The following ATP8A1 variants were observed in gnomAD, a reference collection of about 807,000 sequenced individuals.
ATP8A1 encodes phospholipid-transporting ATPase IA.
ATP8A1 carries 90 observed loss-of-function variants against 177.7 expected under a neutral mutation model. The observed-to-expected ratio is 0.51, with a 90% CI of 0.43 to 0.60. The LOEUF (loss-of-function observed/expected upper bound fraction) is 0.60. ATP8A1 is among the 20% of genes least tolerant of loss of function. The pLI, the probability that ATP8A1 is intolerant of heterozygous loss-of-function variation, is 0.00. For synonymous variants in ATP8A1, 493 were observed against 485.9 expected, an observed-to-expected ratio of 1.01 and a Z score of -0.19; for missense variants, 1,072 against 1,392.8, an observed-to-expected ratio of 0.77 and a Z score of 3.67.
At chr4:42,470,197 C>T (rs1419381520) in intron 25 of ATP8A1, among the ~76,000 whole-genome samples, 6 of 152,208 alleles carry the variant, frequency 3.9e-5, no homozygotes, top group Admixed American at 2.0e-4. Context: ...GAGGGTGGTC[C>T]TTTCTGATAC....
At chr4:42,582,071 T>C (rs1343787858) in intron 9 of ATP8A1, among the ~76,000 whole-genome samples, 1 of 152,134 alleles carries the variant, frequency 6.6e-6, no homozygotes, top group Non-Finnish European at 1.5e-5. Flanking sequence ...GAAGAGGTCA[T>C]GAGGGTTGGG....
At chr4:42,635,279 T>C (rs1739156901) in intron 1 of ATP8A1, among the ~76,000 whole-genome samples, 1 of 152,116 alleles carries the variant, frequency 6.6e-6, no homozygotes, top group African/African-American at 2.4e-5. Context: ...AATACGGTTA[T>C]AGAACCACTA....
At chr4:42,529,832 A>G (rs1445564253) in intron 20 of ATP8A1, among the ~76,000 whole-genome samples, 1 of 152,232 alleles carries the variant, frequency 6.6e-6, no homozygotes, top group East Asian at 1.9e-4. Context: ...CTGGTTGTGC[A>G]CTTTGCATGG....
intron 24 of ATP8A1, among the ~76,000 whole-genome samples, chr4:42,494,162 CAAAAAAAAAAA>C (rs397993131): frequency 3.7e-5 from 2 of 53,458 alleles, no homozygotes; most frequent in East Asian, 8.4e-4. Flanking sequence ...GATCATGCCA[CAAAAAAAAAAA>C]AAAAAAAAAA....
chr4:42,414,606 A>G (rs779119220), intron 36 of ATP8A1, 21 bp downstream of exon 36: 1 of 1,595,388 alleles, frequency 6.3e-7, no homozygotes, highest in Admixed American at 1.7e-5. Flanking sequence ...TTATTTAAAA[A>G]TAAGAAACTC....
At chr4:42,619,282 T>C (rs755705714) in intron 4 of ATP8A1, among the ~76,000 whole-genome samples, 9 of 152,218 alleles carry the variant, frequency 5.9e-5, no homozygotes, top group Admixed American at 1.3e-4. Context: ...TTTGAATAAC[T>C]GTTTTATAAC....
chr4:42,505,933 T>C (rs969104864), intron 23 of ATP8A1, among the ~76,000 whole-genome samples: 1 of 152,194 alleles, frequency 6.6e-6, no homozygotes, highest in Non-Finnish European at 1.5e-5. Context: ...AAACTTTTTT[T>C]TTCTTTTTTG....
At chr4:42,645,575 A>G (rs1206038122) in intron 1 of ATP8A1, among the ~76,000 whole-genome samples, 2 of 152,180 alleles carry the variant, frequency 1.3e-5, no homozygotes, top group Non-Finnish European at 2.9e-5. Context: ...GGGAATCTGT[A>G]TTGTTTAGAA....
rs76870140 is a variant in ATP8A1 at position 42,509,925 on chromosome 4, C to T, written c.1948-2771G>A. On this transcript the variant is annotated intron_variant, in intron 22 of 36. Coordinates refer to ENST00000381668, the MANE Select transcript of ATP8A1 (RefSeq NM_006095.2). Reference sequence around the variant, plus strand: ...TATTTCTTAAAATAAAATTTCCCCTCTGCTGTTCTCCTACAGAATTTTGCT... The same window carrying T: ...TATTTCTTAAAATAAAATTTCCCCTTTGCTGTTCTCCTACAGAATTTTGCT... 7.5e-3 allele frequency among the ~76,000 whole-genome samples: 1,133 copies of T among 151,048 alleles called. 13 individuals are homozygous for T. The highest frequency in any genetic ancestry group is 0.026 in the African/African-American group (1,087 of 41,268).
At chr4:42,584,864 C>T (rs1733462365) in intron 9 of ATP8A1, among the ~76,000 whole-genome samples, 1 of 152,166 alleles carries the variant, frequency 6.6e-6, no homozygotes, top group Admixed American at 6.5e-5. Context: ...AACTGCTGAC[C>T]TTTCTTCCTC....
At chr4:42,647,719 T>G (rs1458006676) in intron 1 of ATP8A1, among the ~76,000 whole-genome samples, 2 of 152,094 alleles carry the variant, frequency 1.3e-5, no homozygotes, top group African/African-American at 2.4e-5. Context: ...GTAAGTAGAT[T>G]CCATGGAACC....
At chr4:42,551,678 T>G (rs1445058473) in intron 17 of ATP8A1, among the ~76,000 whole-genome samples, 1 of 152,200 alleles carries the variant, frequency 6.6e-6, no homozygotes, top group Non-Finnish European at 1.5e-5. Flanking sequence ...CTAATATTGC[T>G]AATTGAGGAT....
chr4:42,655,082 C>G (rs1358796974), intron 1 of ATP8A1, among the ~76,000 whole-genome samples: 1 of 152,228 alleles, frequency 6.6e-6, no homozygotes, highest in Admixed American at 6.5e-5. Flanking sequence ...ACCACTATGG[C>G]CCTGACACTG....
rs1185300326 is a variant in ATP8A1 at position 42,555,133 on chromosome 4, C to CT, written c.1413+834dup. Among the ~76,000 whole-genome samples, 558 of 73,758 alleles carry CT rather than the reference C, an allele frequency of 7.6e-3. 8 individuals carry two copies. Among genetic ancestry groups the CT allele is most frequent in the African/African-American group, 0.01 (178 of 17,206 alleles). The allele number at this position is 73,758 out of a possible 152,430, so 48.4% of individuals were successfully genotyped here. A position where few individuals can be genotyped will look rare whatever the true frequency, so the allele number is the denominator to read the frequency against. Reference sequence around the variant, plus strand: ...TCTATCTATCTATCTATCTATCTATCTATCTAATCTATCTATCTATCTATC... The same window carrying CT: ...TCTATCTATCTATCTATCTATCTATCTTATCTAATCTATCTATCTATCTATC... On this transcript the variant is annotated intron_variant, in intron 16 of 36. Transcript: ENST00000381668.
intron 1 of ATP8A1, among the ~76,000 whole-genome samples, chr4:42,647,453 A>G (rs1740649085): frequency 6.6e-6 from 1 of 152,118 alleles, no homozygotes; most frequent in Non-Finnish European, 1.5e-5. Context: ...AGCACAAAAA[A>G]TGTAAACTAC....
chr4:42,450,907 T>C (rs1717864013), intron 30 of ATP8A1, among the ~76,000 whole-genome samples: 1 of 152,136 alleles, frequency 6.6e-6, no homozygotes, highest in South Asian at 2.1e-4. Flanking sequence ...CATGAAGACA[T>C]ACAGGCTGAC....
chr4:42,628,877 A>AT (rs1738407594), intron 1 of ATP8A1, among the ~76,000 whole-genome samples: 1 of 152,100 alleles, frequency 6.6e-6, no homozygotes, highest in Admixed American at 6.5e-5. Context: ...GTTGTGTTGT[A>AT]TTTACTTTAT....
intron 1 of ATP8A1, among the ~76,000 whole-genome samples, chr4:42,627,818 A>G (rs1249265061): frequency 6.6e-6 from 1 of 152,208 alleles, no homozygotes; most frequent in Non-Finnish European, 1.5e-5. Flanking sequence ...CTAGTGAAAA[A>G]TCAAAGGGGT....
chr4:42,571,463 ATT>A (rs5857852), intron 14 of ATP8A1, among the ~76,000 whole-genome samples: 16 of 142,606 alleles, frequency 1.1e-4, no homozygotes, highest in Admixed American at 2.1e-4. Flanking sequence ...AAAGGTCTAA[ATT>A]TTTTTTTTTT....
Sources: allele counts gnomAD v4.1 joint callset (sites outside exome capture counted in the v4.1 genomes callset), GRCh38; gene constraint gnomAD v4.1.1; transcripts MANE v1.5; gene names NCBI Gene and HGNC (gene_info 2026-07-23, HGNC 2026-07-21).